TIAM1: variants seen among roughly 807,000 people sequenced by gnomAD.
TIAM1 encodes TIAM Rac1 associated GEF 1.
Under a neutral mutation model 163.5 loss-of-function variants are expected in TIAM1, and 65 were observed. The observed-to-expected ratio is 0.40, with a 90% CI of 0.33 to 0.49. TIAM1 has a LOEUF of 0.49. Ranked by LOEUF, TIAM1 falls within the 20% of genes least tolerant of loss-of-function variation. TIAM1 has a pLI of 0.77. For synonymous variants in TIAM1, 833 were observed against 810.1 expected (o/e 1.03, Z -0.48); for missense variants, 1,789 against 2,044.7 (o/e 0.87, Z 2.41).
At chr21:31,179,028 G>C (rs1164156420) in intron 15 of TIAM1, among the ~76,000 whole-genome samples, 1 of 151,840 alleles carries the variant, frequency 6.6e-6, no homozygotes, top group Non-Finnish European at 1.5e-5. Context: ...TGGGATTACA[G>C]GCGTGAGCCA....
intron 12 of TIAM1, 44 bp from the exon 13 acceptor site, chr21:31,195,349 T>A: frequency 7.2e-7 from 1 of 1,396,248 alleles, no homozygotes; most frequent in Non-Finnish European, 1.0e-6. Context: ...TCATTATAAC[T>A]AACTTTTAAA....
At chr21:31,195,928 G>T (rs2085827753) in intron 12 of TIAM1, among the ~76,000 whole-genome samples, 1 of 152,082 alleles carries the variant, frequency 6.6e-6, no homozygotes, top group African/African-American at 2.4e-5. Flanking sequence ...GGAAAAGTGG[G>T]ACCTAATTAA....
At chr21:31,375,894 G>A (rs1602128131) in intron 2 of TIAM1, among the ~76,000 whole-genome samples, 1 of 152,006 alleles carries the variant, frequency 6.6e-6, no homozygotes, top group African/African-American at 2.4e-5. Flanking sequence ...GGGCATGATG[G>A]TGGGCGCCTG....
chr21:31,281,245 T>C (rs2073552930), intron 2 of TIAM1, among the ~76,000 whole-genome samples: 1 of 152,134 alleles, frequency 6.6e-6, no homozygotes, highest in African/African-American at 2.4e-5. Flanking sequence ...CAGGTGCTAT[T>C]ACTTCATAAA....
At chr21:31,302,066 T>G (rs2074527803) in intron 2 of TIAM1, among the ~76,000 whole-genome samples, 1 of 151,898 alleles carries the variant, frequency 6.6e-6, no homozygotes, top group Admixed American at 6.6e-5. Context: ...TACTTTTTGT[T>G]TCTCTAAAAT....
intron 1 of TIAM1, among the ~76,000 whole-genome samples, chr21:31,520,245 C>T (rs931994251): frequency 2.0e-5 from 3 of 151,518 alleles, no homozygotes; most frequent in African/African-American, 7.3e-5. Context: ...ACAGGAGAAT[C>T]GCTTGAACCT....
chr21:31,440,120 G>C (rs1271080698), intron 2 of TIAM1, among the ~76,000 whole-genome samples: 6 of 152,154 alleles, frequency 3.9e-5, no homozygotes, highest in African/African-American at 1.2e-4. Context: ...AAAGCCATAT[G>C]CAGTAAGTAT....
At chr21:31,275,315 A>G (rs866087729) in intron 3 of TIAM1, among the ~76,000 whole-genome samples, 20 of 152,080 alleles carry the variant, frequency 1.3e-4, no homozygotes, top group African/African-American at 4.6e-4. Context: ...CACTTTAAGG[A>G]AAGTAAAATA....
intron 1 of TIAM1, among the ~76,000 whole-genome samples, chr21:31,521,778 A>ACACACACACACACACAC (rs56988265): frequency 5.3e-5 from 8 of 151,050 alleles, no homozygotes; most frequent in Non-Finnish European, 1.0e-4. Flanking sequence ...ACACACACAC[A>ACACACACACACACACAC]AAGTAAAGGA....
At chr21:31,219,151 T>C (rs1047217178) in intron 8 of TIAM1, among the ~76,000 whole-genome samples, 1 of 147,160 alleles carries the variant, frequency 6.8e-6, no homozygotes, top group African/African-American at 2.5e-5. Context: ...GTCACCAGGA[T>C]AATTGCTCAA....
At chr21:31,165,429 T>A (rs2084162315) in intron 15 of TIAM1, among the ~76,000 whole-genome samples, 1 of 151,936 alleles carries the variant, frequency 6.6e-6, no homozygotes, top group South Asian at 2.1e-4. Context: ...TCCCCATGGA[T>A]GAGATTAGTG....
At chr21:31,390,177 T>C (rs1312867072) in intron 2 of TIAM1, among the ~76,000 whole-genome samples, 2 of 152,178 alleles carry the variant, frequency 1.3e-5, no homozygotes, top group Non-Finnish European at 2.9e-5. Flanking sequence ...ACATAATGTT[T>C]TCAGTTTTGA....
At chr21:31,261,734 T>C (rs755971879) in intron 4 of TIAM1, among the ~76,000 whole-genome samples, 4 of 152,152 alleles carry the variant, frequency 2.6e-5, no homozygotes, top group Non-Finnish European at 4.4e-5. Flanking sequence ...TACCTGGGTT[T>C]TCATCCAGTT....
intron 11 of TIAM1, among the ~76,000 whole-genome samples, chr21:31,205,891 C>G (rs1160196331): frequency 6.6e-6 from 1 of 152,038 alleles, no homozygotes. Context: ...TTGCTTGAGC[C>G]TGGGAGGGCA....
intron 1 of TIAM1, among the ~76,000 whole-genome samples, chr21:31,538,273 T>C (rs2048205059): frequency 6.6e-6 from 1 of 152,172 alleles, no homozygotes; most frequent in Non-Finnish European, 1.5e-5. Context: ...CCAGGTGCGG[T>C]TACTCACGCC....
At chr21:31,469,882 G>C (rs2045676533) in intron 1 of TIAM1, among the ~76,000 whole-genome samples, 1 of 151,970 alleles carries the variant, frequency 6.6e-6, no homozygotes, top group Admixed American at 6.6e-5. Context: ...TGCCCTCAAT[G>C]GAGAGGGAAG....
chr21:31,407,763 G>A (rs1380164243), intron 2 of TIAM1, among the ~76,000 whole-genome samples: 1 of 150,760 alleles, frequency 6.6e-6, no homozygotes, highest in Non-Finnish European at 1.5e-5. Flanking sequence ...AGCCTCCAGA[G>A]TAGCTGATAT....
chr21:31,186,734 T>C (rs2085323261), intron 14 of TIAM1, among the ~76,000 whole-genome samples: 2 of 152,074 alleles, frequency 1.3e-5, no homozygotes, highest in African/African-American at 4.8e-5. Context: ...TGACCTATGA[T>C]TGCGCCACTG....
At chr21:31,152,111 C>A (rs1214774232) in intron 19 of TIAM1, among the ~76,000 whole-genome samples, 1 of 148,356 alleles carries the variant, frequency 6.7e-6, no homozygotes, top group Admixed American at 6.8e-5. Context: ...CGGCTCACTG[C>A]AACCTCTGCA....
Sources: allele counts gnomAD v4.1 joint callset (sites outside exome capture counted in the v4.1 genomes callset), GRCh38; gene constraint gnomAD v4.1.1; transcripts MANE v1.5; gene names NCBI Gene and HGNC (gene_info 2026-07-23, HGNC 2026-07-21).